TMEM117: variants seen among roughly 807,000 people sequenced by gnomAD.
The protein encoded by TMEM117 is transmembrane protein 117.
Under a neutral mutation model 52.4 loss-of-function variants are expected in TMEM117, and 27 were observed. The observed-to-expected ratio is 0.51, with a 90% CI of 0.38 to 0.71. The LOEUF is 0.71. Among genes scored for constraint, TMEM117 ranks in the 30% least tolerant of loss-of-function variants. The pLI is 0.00. For missense variants in TMEM117, 556 were observed against 630.5 expected (o/e 0.88, Z 1.26); for synonymous variants, 215 against 206.3 (o/e 1.04, Z -0.36).
chr12:44,363,941 G>T (rs1951756868), intron 6 of TMEM117, among the ~76,000 whole-genome samples: 1 of 152,126 alleles, frequency 6.6e-6, no homozygotes, highest in Non-Finnish European at 1.5e-5. Flanking sequence ...ACCTTCTTCA[G>T]AGAACTGATT....
chr12:43,990,819 A>G (rs1348133464), intron 3 of TMEM117, among the ~76,000 whole-genome samples: 2 of 152,206 alleles, frequency 1.3e-5, no homozygotes, highest in African/African-American at 4.8e-5. Context: ...AAAGCAATAA[A>G]GGCACAGTTC....
At chr12:43,902,482 T>C (rs1008077322) in intron 2 of TMEM117, among the ~76,000 whole-genome samples, 3 of 152,216 alleles carry the variant, frequency 2.0e-5, no homozygotes, top group African/African-American at 7.2e-5. Flanking sequence ...TGATATCTAG[T>C]GCTCTACATT....
intron 3 of TMEM117, among the ~76,000 whole-genome samples, chr12:43,988,038 A>G (rs1945876877): frequency 6.6e-6 from 1 of 152,166 alleles, no homozygotes; most frequent in Non-Finnish European, 1.5e-5. Context: ...AACTAAAATA[A>G]TATATTTCTT....
intron 3 of TMEM117, among the ~76,000 whole-genome samples, chr12:44,120,622 C>G (rs148961507): frequency 6.6e-6 from 1 of 152,276 alleles, no homozygotes; most frequent in Non-Finnish European, 1.5e-5. Flanking sequence ...ACCCTGATGT[C>G]CACATTTCTA....
chr12:44,252,333 C>T (rs545407872), intron 5 of TMEM117, among the ~76,000 whole-genome samples: 4 of 152,140 alleles, frequency 2.6e-5, no homozygotes, highest in South Asian at 2.1e-4. Flanking sequence ...AGCAAAACCC[C>T]GTCCTATTAA....
chr12:44,074,259 G>C (rs888368695), intron 3 of TMEM117, among the ~76,000 whole-genome samples: 3 of 152,126 alleles, frequency 2.0e-5, no homozygotes, highest in Admixed American at 1.3e-4. Context: ...GAGAATCAAA[G>C]GGGACTTTTA....
chr12:43,798,449 C>A, the TMEM117 span: 1 of 949,232 alleles, frequency 1.1e-6, no homozygotes, highest in South Asian at 1.8e-5. Flanking sequence ...GTCTCATTCG[C>A]AGTGTTGCAA....
At chr12:44,050,295 G>T (rs993271207) in intron 3 of TMEM117, among the ~76,000 whole-genome samples, 2 of 152,182 alleles carry the variant, frequency 1.3e-5, no homozygotes, top group Non-Finnish European at 2.9e-5. Context: ...TCCTGCCCCA[G>T]CCTCCCAAGT....
rs183977729 is a variant in TMEM117 at position 44,258,699 on chromosome 12, T to A, written c.609-40881T>A. 6.6e-3 allele frequency among the ~76,000 whole-genome samples: 1,004 copies of A among 152,272 alleles called. 13 individuals are homozygous for A. The highest frequency in any genetic ancestry group is 0.026 in the Admixed American group (402 of 15,282). ...TTCAATAGTCAGGGTTTCTTTTAAG[T>A]CATCTCAGTGGAGAATACAGCTATC... On this transcript the variant is annotated intron_variant, in intron 5 of 7. Coordinates refer to ENST00000266534, the MANE Select transcript of TMEM117 (RefSeq NM_032256.3).
At chr12:44,136,390 G>T (rs908720374) in intron 3 of TMEM117, among the ~76,000 whole-genome samples, 5 of 152,180 alleles carry the variant, frequency 3.3e-5, no homozygotes, top group African/African-American at 7.2e-5. Flanking sequence ...TAAAAGAAAA[G>T]AATTAAACTA....
rs1412412717 is a variant in TMEM117, at chr12:44,097,758, T to C, written c.411-45767T>C. Among the ~76,000 whole-genome samples the C allele has an allele frequency of 2.1e-5, 3 of 144,984 alleles. No individual in the cohort carries two copies. In the South Asian group the frequency reaches 6.4e-4, roughly 31 times the overall value. On this transcript the variant is annotated intron_variant, in intron 3 of 7. Transcript: ENST00000266534. The stretch of plus-strand genomic sequence containing the variant: ...GAGGGATAGCATTAGGAGATATACC[T>C]AAATGACGAGTTAATGGGTGCAATA...
intron 4 of TMEM117, among the ~76,000 whole-genome samples, chr12:44,195,282 C>T (rs1287404699): frequency 6.6e-6 from 1 of 152,158 alleles, no homozygotes; most frequent in Non-Finnish European, 1.5e-5. Context: ...ATGGCCCTGG[C>T]CACCTTAGGT....
intron 6 of TMEM117, among the ~76,000 whole-genome samples, chr12:44,346,072 G>A (rs774084897): frequency 2.6e-5 from 4 of 151,966 alleles, no homozygotes; most frequent in African/African-American, 4.8e-5. Flanking sequence ...TTATCAGTTC[G>A]ATACAAATAA....
chr12:44,330,292 T>A (rs1334077592), intron 6 of TMEM117, among the ~76,000 whole-genome samples: 1 of 152,008 alleles, frequency 6.6e-6, no homozygotes, highest in Admixed American at 6.6e-5. Flanking sequence ...AAATAAAACC[T>A]TTATTTCTAA....
chr12:44,074,826 G>A (rs1240426883), intron 3 of TMEM117, among the ~76,000 whole-genome samples: 1 of 152,136 alleles, frequency 6.6e-6, no homozygotes, highest in Non-Finnish European at 1.5e-5. Flanking sequence ...TTCATGAGAG[G>A]TGAGATCTTG....
intron 2 of TMEM117, among the ~76,000 whole-genome samples, chr12:43,938,042 G>C (rs1038796052): frequency 6.6e-6 from 1 of 151,970 alleles, no homozygotes; most frequent in Admixed American, 6.5e-5. Flanking sequence ...AGAATTCTCT[G>C]TCTGGCTCCC....
intron 2 of TMEM117, among the ~76,000 whole-genome samples, chr12:43,899,103 A>G (rs55987826): frequency 0.051 from 7,693 of 152,314 alleles, 234 homozygotes; most frequent in Middle Eastern, 0.13. Context: ...AGAATTCAAT[A>G]CAAGTCCTAA....
At chr12:43,888,682 G>A (rs1344147900) in intron 2 of TMEM117, among the ~76,000 whole-genome samples, 1 of 151,134 alleles carries the variant, frequency 6.6e-6, no homozygotes, top group Non-Finnish European at 1.5e-5. Context: ...CGAGTAGCTG[G>A]GACTACAGGT....
chr12:44,368,116 G>T (rs764927035), intron 6 of TMEM117, among the ~76,000 whole-genome samples: 2 of 152,012 alleles, frequency 1.3e-5, no homozygotes, highest in Non-Finnish European at 2.9e-5. Flanking sequence ...TCCTCCTCCA[G>T]AGCTTCTCAG....
Sources: allele counts gnomAD v4.1 joint callset (sites outside exome capture counted in the v4.1 genomes callset), GRCh38; gene constraint gnomAD v4.1.1; transcripts MANE v1.5; gene names NCBI Gene and HGNC (gene_info 2026-07-23, HGNC 2026-07-21).